DEPDC4: variants seen among roughly 807,000 people sequenced by gnomAD.
The protein encoded by DEPDC4 is DEP domain containing 4.
DEPDC4 carries 52 observed loss-of-function variants against 52.0 expected under a neutral mutation model. The ratio of observed to expected loss-of-function variants is 1.00; its 90% CI spans 0.80 to 1.26. The LOEUF (loss-of-function observed/expected upper bound fraction) is 1.26. DEPDC4 is among the 50% of genes most tolerant of loss of function. The pLI is 0.00. For missense variants in DEPDC4, 530 were observed against 546.9 expected, an observed-to-expected ratio of 0.97 and a Z score of 0.31; for synonymous variants, 201 against 196.8, an observed-to-expected ratio of 1.02 and a Z score of -0.18.
chr12:100,244,256 C>T (rs1015452343), intron 8 of DEPDC4, among the ~76,000 whole-genome samples: 1 of 151,440 alleles, frequency 6.6e-6, no homozygotes, highest in South Asian at 2.1e-4. Context: ...TCTCGGCTCA[C>T]TGCAAGCTCT....
the DEPDC4 span, among the ~76,000 whole-genome samples, chr12:100,276,387 G>A: frequency 7.2e-5 from 11 of 152,172 alleles, no homozygotes; most frequent in East Asian, 2.1e-3. Context: ...GGCCAGAGGA[G>A]AGTGGCACAA....
the DEPDC4 span, among the ~76,000 whole-genome samples, chr12:100,276,890 A>G: frequency 0.043 from 6,610 of 152,106 alleles, 163 homozygotes; most frequent in South Asian, 0.084. Context: ...ATTTACAGCT[A>G]TAGATTTCTT....
intron 5 of DEPDC4, 49 bp downstream of exon 5, chr12:100,253,440 T>A (rs2096217368): frequency 1.2e-6 from 1 of 807,172 alleles, no homozygotes; most frequent in Non-Finnish European, 1.7e-6. Context: ...TTGTATATTT[T>A]AAAATGTTTT....
chr12:100,254,118 C>A (rs1351199642), intron 4 of DEPDC4, among the ~76,000 whole-genome samples: 3 of 151,948 alleles, frequency 2.0e-5, no homozygotes, highest in African/African-American at 7.3e-5. Context: ...CCCCACCACA[C>A]ATTGTTTTCC....
intron 5 of DEPDC4, among the ~76,000 whole-genome samples, chr12:100,252,822 C>T (rs998082000): frequency 2.0e-5 from 3 of 152,204 alleles, no homozygotes; most frequent in African/African-American, 7.2e-5. Flanking sequence ...TATTATGTCA[C>T]TCAATTTTCA....
chr12:100,280,224 A>T, the DEPDC4 span, among the ~76,000 whole-genome samples: 1 of 152,240 alleles, frequency 6.6e-6, no homozygotes, highest in Non-Finnish European at 1.5e-5. Flanking sequence ...CATGGGCAGA[A>T]GTTATTTATT....
chr12:100,256,955 A>G (rs1566321273), intron 3 of DEPDC4, among the ~76,000 whole-genome samples: 1 of 150,802 alleles, frequency 6.6e-6, no homozygotes, highest in East Asian at 2.0e-4. Flanking sequence ...CATTGTTTTT[A>G]AACTAAAATA....
Position 100,254,319 on chromosome 12 carries a change from CTTT to C in DEPDC4, c.879-607_879-605del, listed in dbSNP as rs67921438. 4.9e-3 allele frequency among the ~76,000 whole-genome samples: 440 copies of C among 89,402 alleles called. 8 individuals carry two copies. The highest frequency in any genetic ancestry group is 0.017 in the Middle Eastern group (2 of 118). The allele number at this position is 89,402 out of a possible 152,430, so 58.7% of individuals were successfully genotyped here. ...TTAATGGTATGTCCCTTTTTTTTGA[CTTT>C]TTTTTTTTTTTTTTTTTTTTTGAGG... On this transcript the variant is annotated intron_variant, in intron 4 of 9. Coordinates refer to ENST00000550587, the MANE Select transcript of DEPDC4 (RefSeq NM_001364818.2).
chr12:100,279,612 C>T, the DEPDC4 span, among the ~76,000 whole-genome samples: 1 of 152,114 alleles, frequency 6.6e-6, no homozygotes, highest in South Asian at 2.1e-4. Flanking sequence ...TTTATGATTA[C>T]TTTGGTCATT....
rs1592866439 is a variant in DEPDC4, at chr12:100,241,619, C to A, written c.*273G>T. The A allele has an allele frequency of 1.9e-6, 2 of 1,032,502 alleles. No homozygotes were observed. Among genetic ancestry groups the A allele is most frequent in the East Asian group, 1.6e-4 (2 of 12,336 alleles). 64.0% of individuals were successfully genotyped at this position (1,032,502 alleles called of 1,614,324 possible). On this transcript the variant is annotated 3_prime_UTR_variant, in exon 10 of 10. Coordinates refer to ENST00000550587, the MANE Select transcript of DEPDC4 (RefSeq NM_001364818.2). ...TGTAAGTATGGCAATTTGAGAAAAC[C>A]ACCAGAGAATTGTTTATATTTACAA... is the stretch of plus-strand genomic sequence containing the variant.
At chr12:100,255,319 G>A (rs1342767293) in intron 4 of DEPDC4, among the ~76,000 whole-genome samples, 1 of 152,182 alleles carries the variant, frequency 6.6e-6, no homozygotes, top group South Asian at 2.1e-4. Flanking sequence ...GGCCTACTGC[G>A]AATAAGAGAA....
chr12:100,253,544 A>C lies in DEPDC4; in HGVS notation c.1050T>G (p.Asp350Glu), dbSNP rs752849233. The C allele has an allele frequency of 7.8e-7, 1 of 1,288,274 alleles. No homozygotes were observed. Among genetic ancestry groups the C allele is most frequent in the Non-Finnish European group, 1.0e-6 (1 of 988,200 alleles). 79.8% of individuals were successfully genotyped at this position (1,288,274 alleles called of 1,614,324 possible). Reference sequence around the variant, plus strand: ...CAAAATACTCATCAGTTAATAGGCAATCTCTCTCTTGAGCATAGTATTTTG... The same window carrying C: ...CAAAATACTCATCAGTTAATAGGCACTCTCTCTCTTGAGCATAGTATTTTG... ...VIAKYYAQER[D>E]CLLTDEYFDI... Residue 350 changes from aspartate to glutamate, a missense_variant, in exon 5 of 10, where the codon GAT becomes GAG. By Grantham distance (45) the Asp-to-Glu change is conservative (BLOSUM62 2). Coordinates refer to ENST00000550587, the MANE Select transcript of DEPDC4 (RefSeq NM_001364818.2).
In DEPDC4 at chr12:100,256,064, C is replaced by T; in HGVS notation, c.863G>A (p.Ser288Asn). The change falls in exon 4 of 10, where the codon AGC becomes AAC. Residue 288 changes from serine to asparagine, a missense_variant. Physicochemically the swap from Ser to Asn is conservative, Grantham distance 46 (BLOSUM62 1). Coordinates refer to ENST00000550587, the MANE Select transcript of DEPDC4 (RefSeq NM_001364818.2). ...GGTCACTTACTCAGGTAGACATAAG[C>T]TTGGAATAAGTTCTCTGTCTAGGCA... ...NTCLDRELIP[S>N]LCLPEIDNWL... 6.2e-7 allele frequency: 1 copy of T among 1,602,220 alleles called. No individual in the cohort carries two copies. The highest frequency in any genetic ancestry group is 8.5e-7 in the Non-Finnish European group (1 of 1,174,036).
At chr12:100,236,621 C>A (rs1217630866), downstream of DEPDC4, among the ~76,000 whole-genome samples, 1 of 152,110 alleles carries the variant, frequency 6.6e-6, no homozygotes, top group Non-Finnish European at 1.5e-5. Context: ...TTTTCTCCCA[C>A]TCTATGGGTT....
intron 3 of DEPDC4, 102 bp downstream of exon 3, chr12:100,262,162 C>T (rs956300764): frequency 8.6e-7 from 1 of 1,163,934 alleles, no homozygotes; most frequent in Non-Finnish European, 1.2e-6. Context: ...ACTGTACTTT[C>T]TGCTCTATTT....
At chr12:100,250,283 T>C (rs2153908478) in intron 7 of DEPDC4, among the ~76,000 whole-genome samples, 1 of 152,316 alleles carries the variant, frequency 6.6e-6, no homozygotes, top group South Asian at 2.1e-4. Flanking sequence ...CGGTGCGATC[T>C]TGGCTCACTG....
downstream of DEPDC4, among the ~76,000 whole-genome samples, chr12:100,239,660 T>C (rs2096151021): frequency 6.6e-6 from 1 of 151,868 alleles, no homozygotes; most frequent in Admixed American, 6.6e-5. Flanking sequence ...GCTGGGATTA[T>C]AGGTGTGAGC....
At chr12:100,252,999 C>A (rs2096214906) in intron 5 of DEPDC4, among the ~76,000 whole-genome samples, 1 of 152,078 alleles carries the variant, frequency 6.6e-6, no homozygotes, top group Admixed American at 6.6e-5. Flanking sequence ...TCACTACAAG[C>A]TCCGCCTCCC....
At chr12:100,253,027 C>T (rs2096215070) in intron 5 of DEPDC4, among the ~76,000 whole-genome samples, 1 of 152,252 alleles carries the variant, frequency 6.6e-6, no homozygotes, top group South Asian at 2.1e-4. Context: ...CACCATTCTC[C>T]TGCCTCAGCC....
Sources: gnomAD v4.1 joint callset for allele counts (sites outside exome capture counted in the v4.1 genomes callset) on GRCh38, gnomAD v4.1.1 for gene constraint, MANE v1.5 for transcripts, NCBI Gene and HGNC (gene_info 2026-07-23, HGNC 2026-07-21) for gene names.